RNF168: variants seen among roughly 807,000 people sequenced by gnomAD.
RNF168 encodes E3 ubiquitin-protein ligase RNF168.
A neutral mutation model predicts 34.9 loss-of-function variants in RNF168; 34 were observed. The observed-to-expected ratio is 0.97, with a 90% confidence interval of 0.74 to 1.30. The LOEUF is 1.30. RNF168 is among the 50% of genes most tolerant of loss of function. The pLI is 0.00. For synonymous variants in RNF168, 264 were observed against 254.7 expected, an observed-to-expected ratio of 1.04 and a Z score of -0.35; for missense variants, 725 against 682.5, an observed-to-expected ratio of 1.06 and a Z score of -0.69.
intron 5 of RNF168, among the ~76,000 whole-genome samples, chr3:196,473,822 A>C (rs1732072702): frequency 1.0e-5 from 1 of 97,244 alleles, no homozygotes; most frequent in Non-Finnish European, 2.1e-5. Flanking sequence ...AAATAAACAA[A>C]ACAAAACAAA....
intron 5 of RNF168, chr3:196,474,977 G>A (rs1732107686): frequency 2.2e-6 from 1 of 458,746 alleles, no homozygotes; most frequent in Non-Finnish European, 4.0e-6. Context: ...CTGTGACACA[G>A]ATCACACTAA....
intron 1 of RNF168, among the ~76,000 whole-genome samples, chr3:196,491,473 AC>A (rs1465711954): frequency 1.3e-5 from 2 of 151,728 alleles, no homozygotes; most frequent in African/African-American, 4.8e-5. Flanking sequence ...ACACGGTGAA[AC>A]CCGTCTCTAC....
chr3:196,472,486 C>G lies in RNF168; in HGVS notation c.1049G>C (p.Arg350Thr). ...TGTGGGGGCGCACCCACTTTCTGTT[C>G]TGCCACAAGGCATAACTGCAGTTTC... Reference protein sequence around the residue: ...SKETAVMPCGRTESGCAPTSG... With the variant: ...SKETAVMPCGTTESGCAPTSG... The change falls in exon 6 of 6, where the codon AGA becomes ACA. Residue 350 changes from arginine to threonine, a missense_variant. Coordinates refer to ENST00000318037, the MANE Select transcript of RNF168 (RefSeq NM_152617.4). 1.2e-6 allele frequency: 2 copies of G among 1,614,216 alleles called. No homozygotes were observed. The highest frequency in any genetic ancestry group is 1.7e-6 in the Non-Finnish European group (2 of 1,180,032).
chr3:196,495,910 C>G (rs1239765093), intron 1 of RNF168, among the ~76,000 whole-genome samples: 1 of 152,192 alleles, frequency 6.6e-6, no homozygotes, highest in Admixed American at 6.5e-5. Context: ...AAATGTAAAA[C>G]ACACCTGTCT....
Position 196,472,110 on chromosome 3 carries a change from G to C in RNF168, c.1425C>G (p.His475Gln). The change falls in exon 6 of 6, where the codon CAC becomes CAG. Residue 475 changes from histidine (H) to glutamine (Q), a missense_variant. Transcript: ENST00000318037. ...CTGGAGGGGAGGATGTAGCGCGTAA[G>C]TGATACTCATCTGGGGATCCTTTTT... is the stretch of plus-strand genomic sequence containing the variant. The part of the protein sequence containing the change: ...NRQKGSPDEY[H>Q]LRATSSPPDK... 1 of 1,613,996 alleles carries C rather than the reference G, an allele frequency of 6.2e-7. No homozygotes were observed. Among genetic ancestry groups the C allele is most frequent in the East Asian group, 2.2e-5 (1 of 44,888 alleles).
In RNF168 at chr3:196,484,171, C is replaced by CTTTTTTTTT. The variant is rs71699491; in HGVS notation, c.559-289_559-281dup. On this transcript the variant is annotated intron_variant, in intron 3 of 5. Coordinates refer to ENST00000318037, the MANE Select transcript of RNF168 (RefSeq NM_152617.4). ...GATAATTCCTGTTGATCTTTCTTTC[C>CTTTTTTTTT]TTTTTTTTTTTTTTTTTGAGACGCA... Among the ~76,000 whole-genome samples the CTTTTTTTTT allele has an allele frequency of 1.0e-3, 121 of 119,448 alleles. 8 individuals are homozygous for CTTTTTTTTT. Among genetic ancestry groups the CTTTTTTTTT allele is most frequent in the African/African-American group, 3.6e-3 (104 of 29,288 alleles). The allele number at this position is 119,448 out of a possible 152,430, so 78.4% of individuals were successfully genotyped here.
At chr3:196,473,950 T>C (rs572929697) in intron 5 of RNF168, among the ~76,000 whole-genome samples, 3 of 152,090 alleles carry the variant, frequency 2.0e-5, no homozygotes, top group Non-Finnish European at 4.4e-5. Flanking sequence ...GCTAGACCCA[T>C]TGTTTGTTAT....
chr3:196,498,142 G>A (rs1157857440), intron 1 of RNF168, among the ~76,000 whole-genome samples: 2 of 151,978 alleles, frequency 1.3e-5, no homozygotes, highest in Non-Finnish European at 2.9e-5. Context: ...AACCACTTTC[G>A]AAAAAGATCT....
rs150386125 is a variant in RNF168, at chr3:196,482,010, A to G, written c.680+1760T>C. ...AGACAGGATCTTGCTATGCTGTCCA[A>G]GCTGGTCCCAAACTCAAACTCCCTG... On this transcript the variant is annotated intron_variant, in intron 4 of 5. Coordinates refer to ENST00000318037, the MANE Select transcript of RNF168 (RefSeq NM_152617.4). Among the ~76,000 whole-genome samples the G allele has an allele frequency of 1.5e-4, 22 of 145,484 alleles. No individual in the cohort carries two copies. In the East Asian group the frequency reaches 4.5e-3, roughly 30 times the overall value.
rs1732947756 is a variant in RNF168 at position 196,503,225 on chromosome 3, T to C, written c.-52A>G. 4 of 1,544,282 alleles carry C rather than the reference T, an allele frequency of 2.6e-6. No homozygotes were observed. The highest frequency in any genetic ancestry group is 3.6e-6 in the Non-Finnish European group (4 of 1,117,616). On this transcript the variant is annotated 5_prime_UTR_variant, in exon 1 of 6. Coordinates refer to ENST00000318037, the MANE Select transcript of RNF168 (RefSeq NM_152617.4). ...ACAACGACACCTGCACGAAAAAGAATCCTATTTTCGGCCAACCACAGAGAG... is the reference window on the plus strand; with the variant it reads ...ACAACGACACCTGCACGAAAAAGAACCCTATTTTCGGCCAACCACAGAGAG...
At chr3:196,485,314 C>G (rs757566113) in intron 3 of RNF168, among the ~76,000 whole-genome samples, 2 of 152,036 alleles carry the variant, frequency 1.3e-5, no homozygotes, top group Non-Finnish European at 2.9e-5. Flanking sequence ...TCAAGACCAG[C>G]CTGGCCAACA....
chr3:196,483,908 AG>A lies in RNF168; in HGVS notation c.559-18del. 1 of 1,587,118 alleles carries A rather than the reference AG, an allele frequency of 6.3e-7. No homozygotes were observed. Among genetic ancestry groups the A allele is most frequent in the Non-Finnish European group, 8.7e-7 (1 of 1,155,672 alleles). On this transcript the variant is annotated intron_variant, in intron 3 of 5. Coordinates refer to ENST00000318037, the MANE Select transcript of RNF168 (RefSeq NM_152617.4). The stretch of plus-strand genomic sequence containing the variant: ...GAAATTGTTCTTCAACAATAGAAAA[AG>A]CATAACAGACATTATGAGAGAGAAC...
In RNF168 at chr3:196,503,283, CCAGAAGCGTATCAGAAT is replaced by C; in HGVS notation, c.-127_-111del. On this transcript the variant is annotated 5_prime_UTR_variant, in exon 1 of 6. The change abolishes the stop of an existing upstream ORF in the 5' untranslated region. Coordinates refer to ENST00000318037, the MANE Select transcript of RNF168 (RefSeq NM_152617.4). ...GCAGTTTTGTGTTTCAGTATTATGC[CCAGAAGCGTATCAGAAT>C]TCGGAGAACAGGAGCATCCAACACG... 1.1e-6 allele frequency: 1 copy of C among 931,048 alleles called. No homozygotes were observed. The highest frequency in any genetic ancestry group is 1.7e-6 in the Non-Finnish European group (1 of 584,600). 57.7% of individuals were successfully genotyped at this position (931,048 alleles called of 1,614,324 possible).
chr3:196,502,840 T>C, intron 1 of RNF168, 33 bp downstream of exon 1: 1 of 1,596,736 alleles, frequency 6.3e-7, no homozygotes, highest in Non-Finnish European at 8.6e-7. Flanking sequence ...GACTTGCGGC[T>C]TTTGGCCAAC....
Position 196,487,473 on chromosome 3 carries a change from C to A in RNF168, c.484G>T (p.Glu162Ter). 4 of 1,614,138 alleles carry A rather than the reference C, an allele frequency of 2.5e-6. No individual in the cohort carries two copies. The highest frequency in any genetic ancestry group is 3.4e-6 in the Non-Finnish European group (4 of 1,179,968). ...TCTTCCATCGCTCTTCGCCTTTTTT[C>A]TGCCTGTCTTTTTTCCTCTTCTTCC... ...EEEEEEKRQA[E>*]KRRRAMEEQL... Residue 162 changes from glutamate to a stop codon, truncating the protein, a stop_gained, in exon 3 of 6, where the codon GAA becomes TAA. Coordinates refer to ENST00000318037, the MANE Select transcript of RNF168 (RefSeq NM_152617.4). LOFTEE classifies it high-confidence loss of function.
chr3:196,472,087 G>A lies in RNF168; in HGVS notation c.1448C>T (p.Pro483Leu). ...EYHLRATSSP[P>L]DKVLNGQRKN... ...CCTCTGTCCATTTAGCACTTTGTCT[G>A]GAGGGGAGGATGTAGCGCGTAAGTG... The change falls in exon 6 of 6, where the codon CCA (proline) becomes CTA (leucine). Residue 483 changes from proline (P) to leucine (L), a missense_variant. Physicochemically the swap from Pro to Leu is moderately conservative, Grantham distance 98. Coordinates refer to ENST00000318037, the MANE Select transcript of RNF168 (RefSeq NM_152617.4). 1 of 1,613,468 alleles carries A rather than the reference G, an allele frequency of 6.2e-7. No individual in the cohort carries two copies. Among genetic ancestry groups the A allele is most frequent in the East Asian group, 2.2e-5 (1 of 44,886 alleles).
In RNF168 at chr3:196,487,472, T is replaced by G; in HGVS notation, c.485A>C (p.Glu162Ala). ...EEEEEEKRQA[E>A]KRRRAMEEQL... The stretch of plus-strand genomic sequence containing the variant: ...TTCTTCCATCGCTCTTCGCCTTTTT[T>G]CTGCCTGTCTTTTTTCCTCTTCTTC... Residue 162 changes from glutamate (E) to alanine (A), a missense_variant, in exon 3 of 6, where the codon GAA becomes GCA. Coordinates refer to ENST00000318037, the MANE Select transcript of RNF168 (RefSeq NM_152617.4). 6.2e-7 allele frequency: 1 copy of G among 1,614,212 alleles called. No individual in the cohort carries two copies. The highest frequency in any genetic ancestry group is 1.7e-4 in the Middle Eastern group (1 of 6,060).
intron 1 of RNF168, among the ~76,000 whole-genome samples, chr3:196,496,346 T>C (rs559196352): frequency 6.6e-6 from 1 of 152,310 alleles, no homozygotes; most frequent in East Asian, 1.9e-4. Context: ...TCTGACAGTA[T>C]GCTGATAACC....
At chr3:196,498,129 C>A (rs951351296) in intron 1 of RNF168, among the ~76,000 whole-genome samples, 3 of 152,110 alleles carry the variant, frequency 2.0e-5, no homozygotes, top group Non-Finnish European at 4.4e-5. Flanking sequence ...TACAAAATGA[C>A]ACAACCACTT....
Sources: gnomAD v4.1 joint callset for allele counts (sites outside exome capture counted in the v4.1 genomes callset) on GRCh38, gnomAD v4.1.1 for gene constraint, MANE v1.5 for transcripts, NCBI Gene and HGNC (gene_info 2026-07-23, HGNC 2026-07-21) for gene names.